MXRA5: variants seen among roughly 807,000 people sequenced by gnomAD.
MXRA5 encodes matrix-remodeling-associated protein 5.
MXRA5 carries 41 observed loss-of-function variants against 112.5 expected under a neutral mutation model. That is an observed-to-expected ratio of 0.36 (90% CI 0.28 to 0.47). MXRA5 has a LOEUF of 0.47. MXRA5 is among the 20% of genes least tolerant of loss of function. The pLI is 0.99. For missense variants in MXRA5, 2,150 were observed against 2,251.0 expected (o/e 0.96, Z 0.91); for synonymous variants, 862 against 900.8 (o/e 0.96, Z 0.77).
chrX:3,322,131 G>A lies in MXRA5; in HGVS notation c.3554C>T (p.Thr1185Ile). 1 of 1,203,729 alleles carries A rather than the reference G, an allele frequency of 8.3e-7. No homozygotes were observed. Among genetic ancestry groups the A allele is most frequent in the Non-Finnish European group, 1.1e-6 (1 of 891,096 alleles). Residue 1185 changes from threonine to isoleucine, a missense_variant, in exon 5 of 7, where the codon ACT becomes ATT. Thr to Ile is a moderately conservative substitution (Grantham distance 89, BLOSUM62 -1). This residue lies in a region of MXRA5 where 1,485 missense variants were observed against 1,471.6 expected (regional missense o/e 1.01). Transcript: ENST00000217939. ...APSETFSTQP[T>I]QAPDIKISSQ... ...TGAAATCTTAATGTCAGGTGCTTGAGTTGGTTGAGTAGAAAAAGTCTCTGA... is the reference window on the plus strand; with the variant it reads ...TGAAATCTTAATGTCAGGTGCTTGAATTGGTTGAGTAGAAAAAGTCTCTGA...
rs147057004 is a variant in MXRA5, at chrX:3,310,409, G to A, written c.7794C>T (p.Asp2598=). 37 of 1,198,689 alleles carry A rather than the reference G, an allele frequency of 3.1e-5. No homozygotes were observed. Among genetic ancestry groups the A allele is most frequent in the African/African-American group, 1.4e-4 (8 of 56,069 alleles). Residue 2598 remains aspartate, a synonymous_variant, in exon 7 of 7, where the codon GAC becomes GAT. Coordinates refer to ENST00000217939, the MANE Select transcript of MXRA5 (RefSeq NM_015419.4). ...QQLQRFYHKA[D]GMLHISGLSS... is the part of the protein sequence containing the mutation. ...AGAGACCGCTAATGTGTAGCATGCC[G>A]TCAGCCTTGTGGTAGAAGCGCTGCA...
intron 1 of MXRA5, among the ~76,000 whole-genome samples, chrX:3,344,377 A>C (rs993024263): frequency 1.4e-4 from 16 of 111,749 alleles, no homozygotes; most frequent in African/African-American, 4.9e-4. Context: ...GAGCTTAAAG[A>C]GGTATTTGCT....
rs763170711 is a variant in MXRA5 at position 3,343,666 on chromosome X, G to A, written c.168C>T (p.His56=). Residue 56 remains histidine, a synonymous_variant, in exon 2 of 7, where the codon CAC becomes CAT. Coordinates refer to ENST00000217939, the MANE Select transcript of MXRA5 (RefSeq NM_015419.4). ...LASVPAGIAK[H]VERINLGFNS... ...CAAACCCCAAATTGATTCTTTCCAC[G>A]TGTTTAGCAATGCCAGCGGGCACGG... 1.2e-5 allele frequency: 14 copies of A among 1,209,917 alleles called. No homozygotes were observed. The highest frequency in any genetic ancestry group is 3.0e-5 in the East Asian group (1 of 33,766).
In MXRA5 at chrX:3,324,581, T is replaced by C. The variant is rs779322230; in HGVS notation, c.1104A>G (p.Pro368=). 2 of 1,211,785 alleles carry C rather than the reference T, an allele frequency of 1.7e-6. No individual in the cohort carries two copies. The highest frequency in any genetic ancestry group is 2.2e-6 in the Non-Finnish European group (2 of 895,455). Residue 368 remains proline (P), a synonymous_variant, in exon 5 of 7, where the codon CCA becomes CCG. Transcript: ENST00000217939. Reference sequence around the variant, plus strand: ...GCTTTTCATAGTTTTCTCGGGTCATTGGACACTCAAAGTCCAAGGCAACTG... The same window carrying C: ...GCTTTTCATAGTTTTCTCGGGTCATCGGACACTCAAAGTCCAAGGCAACTG... ...NATVALDFEC[P]MTRENYEKLW...
At chrX:3,331,925 T>C (rs765157058) in intron 2 of MXRA5, among the ~76,000 whole-genome samples, 1 of 112,210 alleles carries the variant, frequency 8.9e-6, no homozygotes, top group Non-Finnish European at 1.9e-5. Flanking sequence ...ACATCTAGCC[T>C]GATATCACTG....
At position 3,317,127 on chromosome X, in the gene MXRA5, T is replaced by C. The variant is rs1029383632; in HGVS notation, c.6554A>G (p.Lys2185Arg). ...WPRILWRLPS[K>R]RMIDALFSFD... ...CCTGAAGAGCGCGTCGATCATCCTCTTGGACGGCAGCCTCCAGAGGATGCG... is the reference window on the plus strand; with the variant it reads ...CCTGAAGAGCGCGTCGATCATCCTCCTGGACGGCAGCCTCCAGAGGATGCG... The change falls in exon 6 of 7, where the codon AAG (lysine) becomes AGG (arginine). Residue 2185 changes from lysine (K) to arginine (R), a missense_variant. This residue lies in a region of MXRA5 where 1,485 missense variants were observed against 1,471.6 expected (regional missense o/e 1.01). Coordinates refer to ENST00000217939, the MANE Select transcript of MXRA5 (RefSeq NM_015419.4). 5.1e-6 allele frequency: 6 copies of C among 1,182,609 alleles called. No homozygotes were observed. In the Admixed American group the frequency reaches 9.3e-5, roughly 18 times the overall value.
At position 3,335,643 on chromosome X, in the gene MXRA5, C is replaced by T. The variant is rs538465893; in HGVS notation, c.189-4870G>A. 3.5e-4 allele frequency among the ~76,000 whole-genome samples: 39 copies of T among 112,457 alleles called. No individual in the cohort carries two copies. The South Asian group carries it at 0.014, about 39-fold the overall frequency. On this transcript the variant is annotated intron_variant, in intron 2 of 6. Coordinates refer to ENST00000217939, the MANE Select transcript of MXRA5 (RefSeq NM_015419.4). ...GAATTGTTCAGAGGTTTTTGTTTGA[C>T]TGAAATAACAGCCATGAGGAAAAAT... is the stretch of plus-strand genomic sequence containing the variant.
chrX:3,314,921 T>C (rs1426270673), intron 6 of MXRA5, among the ~76,000 whole-genome samples: 1 of 108,509 alleles, frequency 9.2e-6, no homozygotes, highest in Non-Finnish European at 1.9e-5. Flanking sequence ...GATAGATAGA[T>C]AGATATGGGT....
intron 2 of MXRA5, 48 bp downstream of exon 2, chrX:3,343,598 G>C: frequency 1.8e-6 from 2 of 1,130,516 alleles, no homozygotes; most frequent in South Asian, 3.8e-5. Flanking sequence ...ACCAGATCAA[G>C]ACGCACGCAC....
chrX:3,325,982 TA>T (rs1182392770), intron 4 of MXRA5, among the ~76,000 whole-genome samples: 3 of 79,913 alleles, frequency 3.8e-5, no homozygotes, highest in African/African-American at 9.7e-5. Context: ...AAATTTATAA[TA>T]TATAATTTAT....
chrX:3,311,542 A>T lies in MXRA5; in HGVS notation c.6661T>A (p.Cys2221Ser). The change falls in exon 7 of 7, where the codon TGC (cysteine) becomes AGC (serine). Residue 2221 changes from cysteine to serine, a missense_variant. Physicochemically the swap from Cys to Ser is moderately radical, Grantham distance 112. Coordinates refer to ENST00000217939, the MANE Select transcript of MXRA5 (RefSeq NM_015419.4). ...TCACCAACCTTATTTCGAGCTACGC[A>T]CAGGTAATCTCCGGCATCTTTGTCC... Reference protein sequence around the residue: ...VTDKDAGDYLCVARNKVGDDY... With the variant: ...VTDKDAGDYLSVARNKVGDDY... 1 of 1,211,953 alleles carries T rather than the reference A, an allele frequency of 8.3e-7. No homozygotes were observed. Among genetic ancestry groups the T allele is most frequent in the Non-Finnish European group, 1.1e-6 (1 of 895,570 alleles).
rs145326685 is a variant in MXRA5, at chrX:3,317,244, G to C, written c.6437C>G (p.Ala2146Gly). The C allele has an allele frequency of 8.3e-7, 1 of 1,210,908 alleles. No individual in the cohort carries two copies. The highest frequency in any genetic ancestry group is 2.2e-5 in the Admixed American group (1 of 46,105). ...CCGCGGGGAGGTGCCCGTGATGCGC[G>C]CGTTGGCTGCTGCACGCTGCACGTT... is the stretch of plus-strand genomic sequence containing the variant. Reference protein sequence around the residue: ...QLNVQRAAANARITGTSPRRT... With the variant: ...QLNVQRAAANGRITGTSPRRT... Residue 2146 changes from alanine to glycine, a missense_variant, in exon 6 of 7, where the codon GCG (alanine) becomes GGG (glycine). This residue lies in a region of MXRA5 where 1,485 missense variants were observed against 1,471.6 expected (regional missense o/e 1.01). Transcript: ENST00000217939.
chrX:3,330,137 G>C lies in MXRA5; in HGVS notation c.590C>G (p.Thr197Ser). The change falls in exon 4 of 7, where the codon ACT becomes AGT. Residue 197 changes from threonine to serine, a missense_variant. Physicochemically the swap from Thr to Ser is moderately conservative, Grantham distance 58. Transcript: ENST00000217939. Reference sequence around the variant, plus strand: ...GTTCCGAAGCATGCTGGCAGGAAGAGTTCTAACCATGTTCTCTGCTAAGTA... The same window carrying C: ...GTTCCGAAGCATGCTGGCAGGAAGACTTCTAACCATGTTCTCTGCTAAGTA... Reference protein sequence around the residue: ...HLYLAENMVRTLPASMLRNMP... With the variant: ...HLYLAENMVRSLPASMLRNMP... The C allele has an allele frequency of 8.3e-7, 1 of 1,209,704 alleles. No homozygotes were observed. The highest frequency in any genetic ancestry group is 1.1e-6 in the Non-Finnish European group (1 of 894,414).
At chrX:3,328,096 G>A (rs1158302604) in intron 4 of MXRA5, among the ~76,000 whole-genome samples, 1 of 112,345 alleles carries the variant, frequency 8.9e-6, no homozygotes, top group Non-Finnish European at 1.9e-5. Context: ...GTGAGGACTG[G>A]TTCCCACCAA....
chrX:3,329,368 G>T (rs779378996), intron 4 of MXRA5, among the ~76,000 whole-genome samples: 27 of 66,354 alleles, frequency 4.1e-4, no homozygotes, highest in African/African-American at 1.3e-3. Flanking sequence ...GGGAAGGAAA[G>T]AAGGAGGGAA....
Position 3,342,198 on chromosome X carries a change from C to T in MXRA5, c.188+1448G>A, listed in dbSNP as rs1314111043. On this transcript the variant is annotated intron_variant, in intron 2 of 6. Coordinates refer to ENST00000217939, the MANE Select transcript of MXRA5 (RefSeq NM_015419.4). The stretch of plus-strand genomic sequence containing the variant: ...AAATGGGAGTTGAACATTGAGAACA[C>T]ATGGGCACAGGGAGGGGAACAACGC... Among the ~76,000 whole-genome samples, 3 of 109,412 alleles carry T rather than the reference C, an allele frequency of 2.7e-5. No homozygotes were observed. In the South Asian group the frequency reaches 1.2e-3, roughly 44 times the overall value.
intron 2 of MXRA5, among the ~76,000 whole-genome samples, chrX:3,331,837 C>T (rs1921671215): frequency 8.9e-6 from 1 of 112,127 alleles, no homozygotes; most frequent in Non-Finnish European, 1.9e-5. Context: ...AACTTGATCC[C>T]TGGATAAGCA....
At chrX:3,344,827 A>G (rs1228543213) in intron 1 of MXRA5, among the ~76,000 whole-genome samples, 1 of 109,564 alleles carries the variant, frequency 9.1e-6, no homozygotes, top group Non-Finnish European at 1.9e-5. Context: ...AAATTCTAAA[A>G]CCCAGGCCGG....
In MXRA5 at chrX:3,311,171, C is replaced by A; in HGVS notation, c.7032G>T (p.Ala2344=). 1 of 1,211,485 alleles carries A rather than the reference C, an allele frequency of 8.3e-7. No individual in the cohort carries two copies. Among genetic ancestry groups the A allele is most frequent in the African/African-American group, 1.7e-5 (1 of 57,609 alleles). ...AAGTCTTGTTCCGGATGGTGGCGGG[C>A]GCTGTCACCACCTTGACTCTGACTC... The part of the protein sequence containing the change: ...EMRVRVKVVT[A]PATIRNKTYL... The change falls in exon 7 of 7, where the codon GCG becomes GCT. Residue 2344 remains alanine, a synonymous_variant. Transcript: ENST00000217939.
Sources: allele counts gnomAD v4.1 joint callset (sites outside exome capture counted in the v4.1 genomes callset), GRCh38; gene constraint gnomAD v4.1.1; regional missense constraint gnomAD v4.1.1; transcripts MANE v1.5; gene names NCBI Gene and HGNC (gene_info 2026-07-23, HGNC 2026-07-21).